PTPRN2: variants seen among roughly 807,000 people sequenced by gnomAD.
The protein encoded by PTPRN2 is protein tyrosine phosphatase receptor type N2.
Under a neutral mutation model 118.8 loss-of-function variants are expected in PTPRN2, and 74 were observed. That is an observed-to-expected ratio of 0.62 (90% confidence interval 0.52 to 0.76). PTPRN2 has a LOEUF of 0.76. Ranked by LOEUF, PTPRN2 falls within the 30% of genes least tolerant of loss-of-function variation. The probability of loss-of-function intolerance (pLI) is 0.00; values close to 1 mark genes in which losing one functional copy is unlikely to be tolerated. For missense variants in PTPRN2, 1,481 were observed against 1,394.4 expected, an observed-to-expected ratio of 1.06 and a Z score of -0.99; for synonymous variants, 641 against 608.0, an observed-to-expected ratio of 1.05 and a Z score of -0.80.
chr7:158,008,787 C>T (rs1368999462), intron 11 of PTPRN2, among the ~76,000 whole-genome samples: 1 of 152,228 alleles, frequency 6.6e-6, no homozygotes, highest in Non-Finnish European at 1.5e-5. Context: ...TTTCTATCTT[C>T]TCTTCCACGC....
Position 157,849,070 on chromosome 7 carries a change from T to C in PTPRN2, c.1788+49603A>G, listed in dbSNP as rs868175685. Among the ~76,000 whole-genome samples the C allele has an allele frequency of 3.9e-5, 6 of 152,154 alleles. No homozygotes were observed. The South Asian group carries it at 1.2e-3, about 32-fold the overall frequency. On this transcript the variant is annotated intron_variant, in intron 12 of 22. Transcript: ENST00000389418. ...CGGAGCCCCTCGGTCCCAGCGTGGCTGGCGTCCAGGACCCCAGCACCTCTA... is the reference window on the plus strand; with the variant it reads ...CGGAGCCCCTCGGTCCCAGCGTGGCCGGCGTCCAGGACCCCAGCACCTCTA...
intron 12 of PTPRN2, among the ~76,000 whole-genome samples, chr7:157,737,547 G>A (rs900980073): frequency 9.9e-5 from 15 of 152,266 alleles, no homozygotes; most frequent in Non-Finnish European, 1.5e-5. Context: ...CCCCTGAGGC[G>A]AGGACGCAGC....
intron 6 of PTPRN2, among the ~76,000 whole-genome samples, chr7:158,145,065 T>C: frequency 6.9e-6 from 1 of 145,822 alleles, no homozygotes. Context: ...TTCCCTCACA[T>C]CATCGCGAGA....
chr7:158,586,194 C>T (rs1431402666), intron 1 of PTPRN2, among the ~76,000 whole-genome samples: 4 of 152,186 alleles, frequency 2.6e-5, no homozygotes, highest in Non-Finnish European at 5.9e-5. Context: ...CTAACAGAGA[C>T]AAGCAGGTTA....
chr7:158,171,294 C>CATATATATATACATACATACATATATAT lies in PTPRN2; in HGVS notation c.550-4004_550-4003insATATATATGTATGTATGTATATATATAT, dbSNP rs771143653. Among the ~76,000 whole-genome samples, 4 of 62,162 alleles carry CATATATATATACATACATACATATATAT rather than the reference C, an allele frequency of 6.4e-5. 1 individual carries two copies. Among genetic ancestry groups the CATATATATATACATACATACATATATAT allele is most frequent in the African/African-American group, 3.1e-4 (4 of 13,114 alleles). 40.8% of individuals were successfully genotyped at this position (62,162 alleles called of 152,430 possible). A position where few individuals can be genotyped will look rare whatever the true frequency, so the allele number is the denominator to read the frequency against. ...ATATATACACACATATATATACACA[C>CATATATATATACATACATACATATATAT]ATATATATACACACATATATATATA... On this transcript the variant is annotated intron_variant, in intron 5 of 22. Transcript: ENST00000389418.
intron 21 of PTPRN2, 114 bp from the exon 22 acceptor site, chr7:157,549,133 T>G: frequency 9.7e-7 from 1 of 1,027,128 alleles, no homozygotes; most frequent in Non-Finnish European, 1.5e-6. Flanking sequence ...TGAAAATTAT[T>G]ACGCTCATCC....
At chr7:157,991,053 T>G (rs1804220468) in intron 11 of PTPRN2, among the ~76,000 whole-genome samples, 1 of 152,112 alleles carries the variant, frequency 6.6e-6, no homozygotes, top group African/African-American at 2.4e-5. Context: ...CTGCCAGGCT[T>G]TGGGGTGTGG....
chr7:157,711,724 C>T (rs10281295), intron 12 of PTPRN2, among the ~76,000 whole-genome samples: 99,239 of 151,398 alleles, frequency 0.66, 32,686 homozygotes, highest in Middle Eastern at 0.71. Flanking sequence ...CCCTGGTCTC[C>T]GTCACTGGGA....
intron 3 of PTPRN2, among the ~76,000 whole-genome samples, chr7:158,230,183 T>G (rs1231448471): frequency 6.6e-6 from 1 of 152,098 alleles, no homozygotes; most frequent in Non-Finnish European, 1.5e-5. Context: ...AAAGGAGAGA[T>G]AAAGTCTTAC....
Position 157,598,568 on chromosome 7 carries a change from G to A in PTPRN2, c.2419-3253C>T, listed in dbSNP as rs1801484205. Among the ~76,000 whole-genome samples, 3 of 152,142 alleles carry A rather than the reference G, an allele frequency of 2.0e-5. No homozygotes were observed. The highest frequency in any genetic ancestry group is 6.6e-5 in the Admixed American group (1 of 15,266). On this transcript the variant is annotated intron_variant, in intron 16 of 22. Coordinates refer to ENST00000389418, the MANE Select transcript of PTPRN2 (RefSeq NM_002847.5). The surrounding 1 kb of genome is among the most constrained non-coding windows in gnomAD (Gnocchi z 5.2). ...AGGGAGTGAGGAGCTTGGATGATGC[G>A]GTTTCTAAGTGTCCTTTAGCTCTGG...
At chr7:157,748,004 T>C (rs1282692049) in intron 12 of PTPRN2, among the ~76,000 whole-genome samples, 1 of 132,612 alleles carries the variant, frequency 7.5e-6, no homozygotes, top group African/African-American at 2.9e-5. Flanking sequence ...AGCTGTGGGG[T>C]GTCCGGGTGA....
At chr7:157,866,420 G>A (rs1165044007) in intron 12 of PTPRN2, among the ~76,000 whole-genome samples, 1 of 151,988 alleles carries the variant, frequency 6.6e-6, no homozygotes, top group Non-Finnish European at 1.5e-5. Flanking sequence ...ACATATGCAT[G>A]AGCACACACA....
rs569896103 is a variant in PTPRN2 at position 158,266,637 on chromosome 7, C to T, written c.277+50182G>A. ...GCCTGACAGAGGGACCCAGCAGCAG[C>T]GGCCTCAGGACAGGCACAACGGCCA... On this transcript the variant is annotated intron_variant, in intron 3 of 22. Transcript: ENST00000389418. Among the ~76,000 whole-genome samples the T allele has an allele frequency of 1.1e-4, 17 of 152,284 alleles. No homozygotes were observed. In the South Asian group the frequency reaches 1.9e-3, roughly 17 times the overall value.
At chr7:157,908,307 T>C (rs1225654173) in intron 11 of PTPRN2, among the ~76,000 whole-genome samples, 1 of 152,252 alleles carries the variant, frequency 6.6e-6, no homozygotes, top group Non-Finnish European at 1.5e-5. Context: ...CCTCCACCCC[T>C]GCAGCCTGCA....
At chr7:157,812,988 C>G (rs952198481) in intron 12 of PTPRN2, among the ~76,000 whole-genome samples, 3 of 152,174 alleles carry the variant, frequency 2.0e-5, no homozygotes, top group African/African-American at 7.2e-5. Flanking sequence ...TCCCTAATTT[C>G]ACCCGGACCA....
intron 12 of PTPRN2, among the ~76,000 whole-genome samples, chr7:157,798,875 A>G (rs73165859): frequency 0.14 from 21,810 of 151,986 alleles, 2,031 homozygotes; most frequent in African/African-American, 0.25. Flanking sequence ...GCCTTCCTCC[A>G]CATCCCATCG....
chr7:158,394,296 C>T (rs577830488), intron 2 of PTPRN2, among the ~76,000 whole-genome samples: 1 of 152,258 alleles, frequency 6.6e-6, no homozygotes, highest in East Asian at 1.9e-4. Context: ...CCTCTGGCTC[C>T]CCCACCAAGG....
intron 11 of PTPRN2, among the ~76,000 whole-genome samples, chr7:157,959,024 G>A (rs1801361188): frequency 6.6e-6 from 1 of 152,190 alleles, no homozygotes. Flanking sequence ...GGTCCTGGCA[G>A]AAAGGCAGAC....
chr7:157,907,688 T>TC, intron 11 of PTPRN2, among the ~76,000 whole-genome samples: 1 of 149,474 alleles, frequency 6.7e-6, no homozygotes, highest in African/African-American at 2.5e-5. Context: ...TATCTCCCTG[T>TC]CCCTTGCGTG....
Sources: gnomAD v4.1 joint callset for allele counts (sites outside exome capture counted in the v4.1 genomes callset) on GRCh38, gnomAD v4.1.1 for gene constraint, Gnocchi (gnomAD v3.1) non-coding constraint, MANE v1.5 for transcripts, NCBI Gene and HGNC (gene_info 2026-07-23, HGNC 2026-07-21) for gene names.